Variants in MCIDAS observed in about 807,000 individuals in gnomAD.
MCIDAS encodes the protein multiciliate differentiation and DNA synthesis associated cell cycle protein.
Under a neutral mutation model 35.4 loss-of-function variants are expected in MCIDAS, and 23 were observed. The observed-to-expected ratio is 0.65, with a 90% CI of 0.47 to 0.92. The LOEUF (loss-of-function observed/expected upper bound fraction) is 0.92. Among genes scored for constraint, MCIDAS ranks in the 40% least tolerant of loss-of-function variants. The probability of loss-of-function intolerance (pLI) is 0.00; values close to 1 mark genes in which losing one functional copy is unlikely to be tolerated. For missense variants in MCIDAS, 480 were observed against 531.8 expected, an observed-to-expected ratio of 0.90 and a Z score of 0.96; for synonymous variants, 228 against 235.2, an observed-to-expected ratio of 0.97 and a Z score of 0.28.
Position 55,223,082 on chromosome 5 carries a change from A to T in MCIDAS, c.310-59T>A. The T allele has an allele frequency of 7.3e-7, 1 of 1,377,970 alleles. No individual in the cohort carries two copies. The allele number at this position is 1,377,970 out of a possible 1,614,324, so 85.4% of individuals were successfully genotyped here. A position where few individuals can be genotyped will look rare whatever the true frequency, so the allele number is the denominator to read the frequency against. ...AGTCTGGCGTTAGAAAGCCTTCAATAAATATTGGCGTCCCTGTTAAAAATC... is the reference window on the plus strand; with the variant it reads ...AGTCTGGCGTTAGAAAGCCTTCAATTAATATTGGCGTCCCTGTTAAAAATC... On this transcript the variant is annotated intron_variant, in intron 3 of 6. Coordinates refer to ENST00000513312, the MANE Select transcript of MCIDAS (RefSeq NM_001190787.3). The surrounding 1 kb of genome is among the most constrained non-coding windows in gnomAD (Gnocchi z 4.4).
chr5:55,222,334 A>T lies in MCIDAS; in HGVS notation c.448T>A (p.Ser150Thr), dbSNP rs1252110148. ...GGGGAGAGGCAGGGCCCGAATGGTG[A>T]TATGTCGCAAGGAGAGAAGGGGAAG... ...GDFPFSPCDI[S>T]PFGPCLSPPL... The change falls in exon 5 of 7, where the codon TCA becomes ACA. Residue 150 changes from serine (S) to threonine (T), a missense_variant. Physicochemically the swap from Ser to Thr is moderately conservative, Grantham distance 58 (BLOSUM62 1). Transcript: ENST00000513312. The T allele has an allele frequency of 1.3e-6, 2 of 1,534,294 alleles. No homozygotes were observed. The highest frequency in any genetic ancestry group is 1.2e-5 in the South Asian group (1 of 83,922).
chr5:55,226,982 C>G (rs933685285), intron 1 of MCIDAS, 37 bp downstream of exon 1: 29 of 1,505,714 alleles, frequency 1.9e-5, no homozygotes, highest in Admixed American at 4.2e-5. Context: ...GGGCACCGAG[C>G]GCGCAGACCC....
chr5:55,225,303 A>T (rs1745437245), intron 3 of MCIDAS, among the ~76,000 whole-genome samples: 1 of 152,224 alleles, frequency 6.6e-6, no homozygotes, highest in Non-Finnish European at 1.5e-5. Context: ...TGCAAGAAAA[A>T]AATTCTAACA....
In MCIDAS at chr5:55,221,035, T is replaced by C; in HGVS notation, c.698A>G (p.His233Arg). 6.5e-7 allele frequency: 1 copy of C among 1,536,062 alleles called. No individual in the cohort carries two copies. The highest frequency in any genetic ancestry group is 8.7e-7 in the Non-Finnish European group (1 of 1,146,856). The stretch of plus-strand genomic sequence containing the variant: ...ACTTACATCCAGCACCGAGGCCAGG[T>C]GCCGGGTTCGGCTGGCGAGTTCCTT... ...QLKELASRTR[H>R]LASVLDKLMI... Residue 233 changes from histidine to arginine, a missense_variant, in exon 6 of 7, where the codon CAC becomes CGC. By Grantham distance (29) the His-to-Arg change is conservative (BLOSUM62 0). Transcript: ENST00000513312.
At chr5:55,222,840 G>T in intron 4 of MCIDAS, 111 bp downstream of exon 4, 1 of 895,272 alleles carries the variant, frequency 1.1e-6, no homozygotes, top group Non-Finnish European at 1.7e-6. Flanking sequence ...CTGGAGAGTC[G>T]TTGACAGTTG....
rs1486983380 is a variant in MCIDAS, at chr5:55,221,088, G to A, written c.645C>T (p.Ala215=). ...GCTGCACGTTCCGCTCCTTGAGCGA[G>A]GCGATCTCCTCCTGTTTCTGGGTCA... ...VTLTQKQEEI[A]SLKERNVQLK... The change falls in exon 6 of 7, where the codon GCC becomes GCT. Residue 215 remains alanine (A), a synonymous_variant. Coordinates refer to ENST00000513312, the MANE Select transcript of MCIDAS (RefSeq NM_001190787.3). 6.5e-7 allele frequency: 1 copy of A among 1,536,118 alleles called. No individual in the cohort carries two copies. Among genetic ancestry groups the A allele is most frequent in the Admixed American group, 2.0e-5 (1 of 51,010 alleles).
chr5:55,226,492 G>T, intron 3 of MCIDAS, 84 bp downstream of exon 3: 1 of 1,364,194 alleles, frequency 7.3e-7, no homozygotes, highest in East Asian at 2.7e-5. Flanking sequence ...GACCCGAGAG[G>T]AGCTTTTGGG....
rs1745380845 is a variant in MCIDAS, at chr5:55,222,542, C to T, written c.383-143G>A. Reference sequence around the variant, plus strand: ...ACCCTTACTCCTAAACGCCTGATTACGAGGCCCTTCCTGATAGCCTGTACA... The same window carrying T: ...ACCCTTACTCCTAAACGCCTGATTATGAGGCCCTTCCTGATAGCCTGTACA... On this transcript the variant is annotated intron_variant, in intron 4 of 6. Transcript: ENST00000513312. The T allele has an allele frequency of 4.5e-6, 3 of 672,394 alleles. No homozygotes were observed. In the South Asian group the frequency reaches 6.3e-5, roughly 14 times the overall value. The allele number at this position is 672,394 out of a possible 1,614,324, so 41.7% of individuals were successfully genotyped here.
chr5:55,227,311 G>A lies in MCIDAS; in HGVS notation c.-173C>T, dbSNP rs1745477726. 1 of 872,550 alleles carries A rather than the reference G, an allele frequency of 1.1e-6. No individual in the cohort carries two copies. The highest frequency in any genetic ancestry group is 3.0e-5 in the South Asian group (1 of 32,852). The allele number at this position is 872,550 out of a possible 1,614,324, so 54.1% of individuals were successfully genotyped here. A position where few individuals can be genotyped will look rare whatever the true frequency, so the allele number is the denominator to read the frequency against. ...GCTGCCGAGGAGGTGCTGAGAGATGGCGGGGGAGGGGGAGGACCGCCGCGC... is the reference window on the plus strand; with the variant it reads ...GCTGCCGAGGAGGTGCTGAGAGATGACGGGGGAGGGGGAGGACCGCCGCGC... On this transcript the variant is annotated 5_prime_UTR_variant, in exon 1 of 7. Transcript: ENST00000513312.
In MCIDAS at chr5:55,227,096, C is replaced by G; in HGVS notation, c.43G>C (p.Asp15His). 6.7e-7 allele frequency: 1 copy of G among 1,502,358 alleles called. No individual in the cohort carries two copies. The highest frequency in any genetic ancestry group is 8.8e-7 in the Non-Finnish European group (1 of 1,133,160). 93.1% of individuals were successfully genotyped at this position (1,502,358 alleles called of 1,614,324 possible). A position where few individuals can be genotyped will look rare whatever the true frequency, so the allele number is the denominator to read the frequency against. ...GGGAAGRRAF[D>H]SICPNRMLAL... Reference sequence around the variant, plus strand: ...AGCATTCTGTTGGGGCAGATGCTGTCGAAGGCCCGACGGCCGGCCGCGCCG... The same window carrying G: ...AGCATTCTGTTGGGGCAGATGCTGTGGAAGGCCCGACGGCCGGCCGCGCCG... Residue 15 changes from aspartate to histidine, a missense_variant, in exon 1 of 7, where the codon GAC (aspartate) becomes CAC (histidine). By Grantham distance (81) the Asp-to-His change is moderately conservative. Transcript: ENST00000513312.
At chr5:55,224,610 G>A (rs334880) in intron 3 of MCIDAS, among the ~76,000 whole-genome samples, 18,494 of 152,186 alleles carry the variant, frequency 0.12, 1,224 homozygotes, top group East Asian at 0.26. Flanking sequence ...CTCCTGGGTA[G>A]GGATTTGAGA....
chr5:55,223,081 T>C lies in MCIDAS; in HGVS notation c.310-58A>G. On this transcript the variant is annotated intron_variant, in intron 3 of 6. Transcript: ENST00000513312. The surrounding 1 kb of genome is among the most constrained non-coding windows in gnomAD (Gnocchi z 4.4). The stretch of plus-strand genomic sequence containing the variant: ...GAGTCTGGCGTTAGAAAGCCTTCAA[T>C]AAATATTGGCGTCCCTGTTAAAAAT... 2 of 1,385,552 alleles carry C rather than the reference T, an allele frequency of 1.4e-6. No individual in the cohort carries two copies. The highest frequency in any genetic ancestry group is 2.0e-6 in the Non-Finnish European group (2 of 1,010,456). The allele number at this position is 1,385,552 out of a possible 1,614,324, so 85.8% of individuals were successfully genotyped here. A position where few individuals can be genotyped will look rare whatever the true frequency, so the allele number is the denominator to read the frequency against.
In MCIDAS at chr5:55,226,428, G is replaced by A. The variant is rs1745454796; in HGVS notation, c.309+148C>T. ...GCAAGTAGAAGTTCTGATCTGGGAG[G>A]CTCAGGTGCCTGCACAATGCTTCCC... On this transcript the variant is annotated intron_variant, in intron 3 of 6. Coordinates refer to ENST00000513312, the MANE Select transcript of MCIDAS (RefSeq NM_001190787.3). 3 of 706,666 alleles carry A rather than the reference G, an allele frequency of 4.2e-6. No individual in the cohort carries two copies. In the East Asian group the frequency reaches 9.0e-5, roughly 21 times the overall value. The allele number at this position is 706,666 out of a possible 1,614,324, so 43.8% of individuals were successfully genotyped here.
At position 55,220,433 on chromosome 5, in the gene MCIDAS, G is replaced by A. The variant is rs1288969228; in HGVS notation, c.1091C>T (p.Pro364Leu). The A allele has an allele frequency of 1.3e-6, 2 of 1,536,122 alleles. No individual in the cohort carries two copies. Among genetic ancestry groups the A allele is most frequent in the South Asian group, 1.2e-5 (1 of 84,054 alleles). ...SHSTIRTLAF[P>L]QGNAFTIRTA... ...TCTGATGGTGAAGGCATTGCCCTGGGGGAAGGCGAGGGTGCGGATGGTGCT... is the reference window on the plus strand; with the variant it reads ...TCTGATGGTGAAGGCATTGCCCTGGAGGAAGGCGAGGGTGCGGATGGTGCT... Residue 364 changes from proline to leucine, a missense_variant, in exon 7 of 7, where the codon CCC (proline) becomes CTC (leucine). Transcript: ENST00000513312.
In MCIDAS at chr5:55,226,836, T is replaced by C; in HGVS notation, c.216A>G (p.Pro72=). ...TAGCGTGGGTGCCACGGGGCTCACC[T>C]GGCAGCGCTGTGGGCTCGGCGTCCG... ...DPPDAEPTAL[P]ALTTIDLQDL... The change falls in exon 2 of 7, where the codon CCA becomes CCG. Residue 72 remains proline (P), a splice_region_variant and synonymous_variant. Coordinates refer to ENST00000513312, the MANE Select transcript of MCIDAS (RefSeq NM_001190787.3). 7.2e-7 allele frequency: 1 copy of C among 1,390,470 alleles called. No individual in the cohort carries two copies. Among genetic ancestry groups the C allele is most frequent in the Non-Finnish European group, 9.3e-7 (1 of 1,078,654 alleles). 86.1% of individuals were successfully genotyped at this position (1,390,470 alleles called of 1,614,324 possible).
chr5:55,221,454 T>C (rs1345073658), intron 5 of MCIDAS, among the ~76,000 whole-genome samples: 4 of 151,962 alleles, frequency 2.6e-5, no homozygotes, highest in Non-Finnish European at 4.4e-5. Flanking sequence ...AGCTCAATGA[T>C]TGTGAGCATT....
chr5:55,225,707 C>A (rs143186054), intron 3 of MCIDAS, among the ~76,000 whole-genome samples: 21 of 152,292 alleles, frequency 1.4e-4, no homozygotes, highest in Admixed American at 2.0e-4. Flanking sequence ...TCTGCAAACC[C>A]CAGACCTATT....
At chr5:55,226,956 C>A (rs957382771) in intron 1 of MCIDAS, 25 bp from the exon 2 acceptor site, 21 of 1,483,416 alleles carry the variant, frequency 1.4e-5, no homozygotes, top group Non-Finnish European at 1.8e-5. Flanking sequence ...AAACGTTGAA[C>A]GCGGGTCAGC....
intron 4 of MCIDAS, 63 bp downstream of exon 4, chr5:55,222,888 T>A: frequency 3.6e-6 from 5 of 1,383,904 alleles, no homozygotes; most frequent in East Asian, 2.5e-5. Flanking sequence ...AAATCTGAAC[T>A]AGTCTGATTT....
Sources: gnomAD v4.1 joint callset for allele counts (sites outside exome capture counted in the v4.1 genomes callset) on GRCh38, gnomAD v4.1.1 for gene constraint, Gnocchi (gnomAD v3.1) non-coding constraint, MANE v1.5 for transcripts, NCBI Gene and HGNC (gene_info 2026-07-23, HGNC 2026-07-21) for gene names.